The following AMZ2 variants were observed in gnomAD, a reference collection of about 807,000 sequenced individuals.
AMZ2 encodes the protein archaemetzincin-2.
A neutral mutation model predicts 36.7 loss-of-function variants in AMZ2; 26 were observed. The ratio of observed to expected loss-of-function variants is 0.71; its 90% CI spans 0.52 to 0.98. The LOEUF (loss-of-function observed/expected upper bound fraction) is 0.98. Ranked by LOEUF, AMZ2 falls within the 50% of genes least tolerant of loss-of-function variation. The probability of loss-of-function intolerance (pLI) is 0.00; values close to 1 mark genes in which losing one functional copy is unlikely to be tolerated. For missense variants in AMZ2, 394 were observed against 430.5 expected (o/e 0.92, Z 0.75); for synonymous variants, 144 against 149.1 (o/e 0.97, Z 0.25).
At chr17:68,217,969 C>T (rs561748713) in intron 1 of AMZ2, among the ~76,000 whole-genome samples, 88 of 152,084 alleles carry the variant, frequency 5.8e-4, no homozygotes, top group African/African-American at 1.8e-3. Flanking sequence ...CCCGCCATCA[C>T]GCCCACCTAA....
chr17:68,240,480 G>C (rs1165252446), intron 1 of AMZ2, among the ~76,000 whole-genome samples: 1 of 152,204 alleles, frequency 6.6e-6, no homozygotes, highest in African/African-American at 2.4e-5. Flanking sequence ...GGAAAAATGT[G>C]AGAGAGAGGA....
intron 1 of AMZ2, among the ~76,000 whole-genome samples, chr17:68,238,989 A>G (rs1555733469): frequency 6.6e-6 from 1 of 152,142 alleles, no homozygotes; most frequent in Non-Finnish European, 1.5e-5. Flanking sequence ...GATCATTTGT[A>G]AGTTGGTTGT....
In AMZ2 at chr17:68,238,540, A is replaced by G. The variant is rs539653365; in HGVS notation, c.-66-10100A>G. On this transcript the variant is annotated intron_variant, in intron 1 of 7. Coordinates refer to the AMZ2 transcript ENST00000674770. ...TACTGTATTTATATGCCATATGTATATATATATAGAGAGAAAGAGTGCATA... is the reference window on the plus strand; with the variant it reads ...TACTGTATTTATATGCCATATGTATGTATATATAGAGAGAAAGAGTGCATA... Among the ~76,000 whole-genome samples, 4 of 139,584 alleles carry G rather than the reference A, an allele frequency of 2.9e-5. No homozygotes were observed. The South Asian group carries it at 9.7e-4, about 34-fold the overall frequency. The allele number at this position is 139,584 out of a possible 152,430, so 91.6% of individuals were successfully genotyped here.
chr17:68,216,688 G>A (rs190290678), intron 1 of AMZ2, among the ~76,000 whole-genome samples: 17 of 152,222 alleles, frequency 1.1e-4, no homozygotes, highest in East Asian at 7.7e-4. Context: ...CTTATAACTC[G>A]AGGAGAAAGA....
chr17:68,228,836 G>T (rs2038080878), intron 1 of AMZ2, among the ~76,000 whole-genome samples: 1 of 152,260 alleles, frequency 6.6e-6, no homozygotes, highest in Non-Finnish European at 1.5e-5. Flanking sequence ...ACCCACCACT[G>T]CCTCAAGCAG....
At position 68,255,613 on chromosome 17, in the gene AMZ2, A is replaced by G. The variant is rs189784829; in HGVS notation, c.751-87A>G. 3.3e-4 allele frequency: 462 copies of G among 1,391,672 alleles called. 1 individual carries two copies. The East Asian group carries it at 7.7e-3, about 23-fold the overall frequency. 86.2% of individuals were successfully genotyped at this position (1,391,672 alleles called of 1,614,324 possible). ...GGTAATGGTAAGGGAGTTGATTCCT[A>G]TGTTTCTTGGAAAAGCAAGAAAAAG... On this transcript the variant is annotated intron_variant, in intron 5 of 6. Transcript: ENST00000359904.
At chr17:68,248,009 A>G, upstream of AMZ2, 1 of 986,040 alleles carries the variant, frequency 1.0e-6, no homozygotes, top group Non-Finnish European at 1.2e-6. Context: ...CGCGTGGCGT[A>G]AGGGGCGTGG....
intron 1 of AMZ2, among the ~76,000 whole-genome samples, chr17:68,240,262 A>G (rs543229681): frequency 1.6e-4 from 24 of 152,348 alleles, no homozygotes; most frequent in Non-Finnish European, 2.5e-4. Context: ...TCACCTCTCA[A>G]AAGTTCCCAT....
chr17:68,257,003 C>A lies in AMZ2; in HGVS notation c.*34C>A. 1.9e-6 allele frequency: 3 copies of A among 1,600,296 alleles called. No individual in the cohort carries two copies. Among genetic ancestry groups the A allele is most frequent in the South Asian group, 2.2e-5 (2 of 89,790 alleles). On this transcript the variant is annotated 3_prime_UTR_variant, in exon 7 of 7. Transcript: ENST00000359904. The stretch of plus-strand genomic sequence containing the variant: ...AAATAGGAGTGATTGAAATAAATAA[C>A]TACTTGCATGTTATGCTTTCATTTG...
chr17:68,252,562 G>A (rs2074564565), intron 4 of AMZ2, among the ~76,000 whole-genome samples: 1 of 152,144 alleles, frequency 6.6e-6, no homozygotes, highest in African/African-American at 2.4e-5. Flanking sequence ...GGAGTGCAGT[G>A]GTGTGATCAT....
intron 1 of AMZ2, among the ~76,000 whole-genome samples, chr17:68,224,558 T>C (rs1440293705): frequency 3.5e-4 from 51 of 146,944 alleles, no homozygotes; most frequent in African/African-American, 1.1e-3. Context: ...TTTTTTTTTT[T>C]CCCTAGAGAC....
In AMZ2 at chr17:68,250,610, G is replaced by A. The variant is rs1231426141; in HGVS notation, c.283+140G>A. 75 of 1,273,250 alleles carry A rather than the reference G, an allele frequency of 5.9e-5. No individual in the cohort carries two copies. In the East Asian group the frequency reaches 1.8e-3, roughly 30 times the overall value. 78.9% of individuals were successfully genotyped at this position (1,273,250 alleles called of 1,614,324 possible). On this transcript the variant is annotated intron_variant, in intron 2 of 6. Transcript: ENST00000359904. Reference sequence around the variant, plus strand: ...TCATTGCGGCGGTACAAGTTTTGTAGCCAAACTGACTTAAAAGATAACATT... The same window carrying A: ...TCATTGCGGCGGTACAAGTTTTGTAACCAAACTGACTTAAAAGATAACATT...
At chr17:68,232,189 A>AT (rs2073682067) in intron 1 of AMZ2, among the ~76,000 whole-genome samples, 1 of 151,688 alleles carries the variant, frequency 6.6e-6, no homozygotes, top group Non-Finnish European at 1.5e-5. Context: ...GTACCTTAAG[A>AT]ACGTGCCAAT....
At chr17:68,237,744 C>A (rs1555733015) in intron 1 of AMZ2, among the ~76,000 whole-genome samples, 2 of 152,050 alleles carry the variant, frequency 1.3e-5, no homozygotes, top group African/African-American at 4.8e-5. Flanking sequence ...GCAAGAAGGC[C>A]TTTCCTGGCT....
intron 1 of AMZ2, chr17:68,207,637 A>C (rs1568334959): frequency 2.0e-5 from 3 of 152,232 alleles, no homozygotes; most frequent in Non-Finnish European, 4.4e-5. Flanking sequence ...GAGTAGTATT[A>C]TCTTGAGCCA....
At position 68,250,187 on chromosome 17, in the gene AMZ2, G is replaced by A; in HGVS notation, c.1-1G>A. On this transcript the variant is annotated splice_acceptor_variant, in intron 1 of 6. Coordinates refer to ENST00000359904, the MANE Select transcript of AMZ2 (RefSeq NM_016627.5). LOFTEE classifies it low-confidence loss of function (5UTR_SPLICE). ...TTTGATTACTTGCTTTTTTTTGTTA[G>A]ATGCAAATAATACGGCACTCCGAAC... The A allele has an allele frequency of 2.5e-6, 4 of 1,601,550 alleles. No homozygotes were observed. Among genetic ancestry groups the A allele is most frequent in the Non-Finnish European group, 3.4e-6 (4 of 1,175,606 alleles).
chr17:68,256,150 A>G (rs1246705626), intron 6 of AMZ2, among the ~76,000 whole-genome samples: 1 of 152,254 alleles, frequency 6.6e-6, no homozygotes, highest in African/African-American at 2.4e-5. Context: ...ACTTTGCAGA[A>G]CAGAATAAAT....
At chr17:68,225,015 T>TA (rs34686374) in intron 1 of AMZ2, among the ~76,000 whole-genome samples, 28,879 of 141,906 alleles carry the variant, frequency 0.2, 3,120 homozygotes, top group East Asian at 0.35. Flanking sequence ...CCGTTTCTAC[T>TA]AAAAAAAAAA....
chr17:68,214,980 C>T (rs2073160015), intron 1 of AMZ2, among the ~76,000 whole-genome samples: 1 of 152,156 alleles, frequency 6.6e-6, no homozygotes, highest in African/African-American at 2.4e-5. Context: ...GACAGGGTTT[C>T]ACCATGTTAC....
Sources: gnomAD v4.1 joint callset for allele counts (sites outside exome capture counted in the v4.1 genomes callset) on GRCh38, gnomAD v4.1.1 for gene constraint, MANE v1.5 for transcripts, NCBI Gene and HGNC (gene_info 2026-07-23, HGNC 2026-07-21) for gene names.